The following TMEM132C variants were observed in gnomAD, a reference collection of about 807,000 sequenced individuals.
TMEM132C encodes the protein transmembrane protein 132C, also known as protein phosphatase 1, regulatory subunit 152.
A neutral mutation model predicts 61.4 loss-of-function variants in TMEM132C; 29 were observed. The observed-to-expected ratio is 0.47, with a 90% confidence interval of 0.35 to 0.64. The LOEUF is 0.64. Among genes scored for constraint, TMEM132C ranks in the 30% least tolerant of loss-of-function variants. The pLI is 0.00. For missense variants in TMEM132C, 1,408 were observed against 1,476.9 expected, an observed-to-expected ratio of 0.95 and a Z score of 0.76; for synonymous variants, 656 against 633.1, an observed-to-expected ratio of 1.04 and a Z score of -0.54.
At chr12:128,337,048 C>T (rs1379922700) in intron 1 of TMEM132C, among the ~76,000 whole-genome samples, 1 of 152,194 alleles carries the variant, frequency 6.6e-6, no homozygotes, top group East Asian at 1.9e-4. Context: ...AACCAGTCAG[C>T]TTTGAAGAGA....
intron 2 of TMEM132C, among the ~76,000 whole-genome samples, chr12:128,497,984 C>T (rs925332398): frequency 1.3e-5 from 2 of 152,136 alleles, no homozygotes; most frequent in Non-Finnish European, 2.9e-5. Context: ...CCAGTCTGTA[C>T]CAGTTCTTTA....
At chr12:128,398,896 A>G (rs1357017659) in intron 1 of TMEM132C, among the ~76,000 whole-genome samples, 1 of 152,186 alleles carries the variant, frequency 6.6e-6, no homozygotes, top group African/African-American at 2.4e-5. Context: ...TTCCCCACTG[A>G]CTTTTCAGAA....
intron 1 of TMEM132C, among the ~76,000 whole-genome samples, chr12:128,379,989 G>A (rs189860913): frequency 2.0e-5 from 3 of 152,226 alleles, no homozygotes; most frequent in Non-Finnish European, 4.4e-5. Flanking sequence ...ACTTGTCACA[G>A]TTCTGCCACT....
At chr12:128,360,933 G>A (rs963937959) in intron 1 of TMEM132C, among the ~76,000 whole-genome samples, 3 of 152,178 alleles carry the variant, frequency 2.0e-5, no homozygotes, top group Non-Finnish European at 2.9e-5. Flanking sequence ...GTCTCATAGA[G>A]TGTCTCCATG....
At chr12:128,490,285 G>A (rs991433359) in intron 2 of TMEM132C, among the ~76,000 whole-genome samples, 14 of 152,184 alleles carry the variant, frequency 9.2e-5, no homozygotes, top group African/African-American at 3.1e-4. Context: ...GCTTGTACCT[G>A]GCTTTTGTCG....
At chr12:128,374,354 G>A (rs564221311) in intron 1 of TMEM132C, among the ~76,000 whole-genome samples, 11 of 152,258 alleles carry the variant, frequency 7.2e-5, no homozygotes, top group East Asian at 1.9e-4. Flanking sequence ...TGGGGTTTGC[G>A]CTTTGTTGTC....
intron 4 of TMEM132C, among the ~76,000 whole-genome samples, chr12:128,645,796 G>A (rs1236332264): frequency 6.6e-6 from 1 of 152,148 alleles, no homozygotes; most frequent in Non-Finnish European, 1.5e-5. Context: ...CATCGGCGTG[G>A]GATATGAATG....
chr12:128,543,898 C>G, intron 2 of TMEM132C, 59 bp from the exon 3 acceptor site: 1 of 1,512,992 alleles, frequency 6.6e-7, no homozygotes, highest in Non-Finnish European at 8.8e-7. Flanking sequence ...GAGCTGGGCA[C>G]GTTGGAAAGG....
chr12:128,565,060 T>C (rs764592833), intron 3 of TMEM132C, among the ~76,000 whole-genome samples: 50 of 152,300 alleles, frequency 3.3e-4, no homozygotes, highest in Middle Eastern at 3.4e-3. Flanking sequence ...GCCACTCCCA[T>C]GATTAGGTGG....
chr12:128,621,579 G>A (rs946088560), intron 4 of TMEM132C, among the ~76,000 whole-genome samples: 1 of 152,192 alleles, frequency 6.6e-6, no homozygotes, highest in African/African-American at 2.4e-5. Flanking sequence ...CTTGATTTCG[G>A]ACTTTCAGCC....
chr12:128,328,915 A>G lies in TMEM132C; in HGVS notation c.85+61428A>G, dbSNP rs143901387. Among the ~76,000 whole-genome samples the G allele has an allele frequency of 5.3e-4, 80 of 152,216 alleles. 1 individual carries two copies. The East Asian group carries it at 0.013, about 25-fold the overall frequency. ...TCGGACTCTGGCTTAAGATTTGGAT[A>G]ACTGTTGTGATGCATCCCTGCCTAT... On this transcript the variant is annotated intron_variant, in intron 1 of 8. Transcript: ENST00000435159.
intron 2 of TMEM132C, among the ~76,000 whole-genome samples, chr12:128,520,587 C>T (rs1460262193): frequency 6.6e-6 from 1 of 152,154 alleles, no homozygotes; most frequent in African/African-American, 2.4e-5. Context: ...CAAGATCATT[C>T]TTTGTTGGAG....
rs559324567 is a variant in TMEM132C at position 128,587,170 on chromosome 12, A to T, written c.1122-28982A>T. Among the ~76,000 whole-genome samples the T allele has an allele frequency of 9.2e-5, 14 of 152,338 alleles. No individual in the cohort carries two copies. In the South Asian group the frequency reaches 2.3e-3, roughly 25 times the overall value. ...TGGCCAAATAGGCCTTATTGCCCAA[A>T]GTATTACATAAGATGGTATCTTAGT... On this transcript the variant is annotated intron_variant, in intron 3 of 8. Coordinates refer to ENST00000435159, the MANE Select transcript of TMEM132C (RefSeq NM_001136103.3).
chr12:128,500,882 A>G (rs1872151574), intron 2 of TMEM132C, among the ~76,000 whole-genome samples: 2 of 152,246 alleles, frequency 1.3e-5, no homozygotes, highest in Admixed American at 1.3e-4. Flanking sequence ...AAACTTGTAC[A>G]TGAATATTCA....
chr12:128,290,876 T>G (rs1037947205), intron 1 of TMEM132C, among the ~76,000 whole-genome samples: 1 of 152,036 alleles, frequency 6.6e-6, no homozygotes, highest in African/African-American at 2.4e-5. Flanking sequence ...ATAAGTGATT[T>G]CCCAATTTCA....
chr12:128,388,461 C>A (rs1225103409), intron 1 of TMEM132C, among the ~76,000 whole-genome samples: 1 of 152,262 alleles, frequency 6.6e-6, no homozygotes, highest in African/African-American at 2.4e-5. Context: ...TCTTCCCTCT[C>A]TCCCTGCCTC....
intron 1 of TMEM132C, among the ~76,000 whole-genome samples, chr12:128,279,210 T>G (rs1324721068): frequency 6.6e-6 from 1 of 152,172 alleles, no homozygotes. Flanking sequence ...TCTCCATTCC[T>G]TGAAGATAAT....
chr12:128,554,325 G>T (rs1169591192), intron 3 of TMEM132C, among the ~76,000 whole-genome samples: 1 of 152,176 alleles, frequency 6.6e-6, no homozygotes, highest in African/African-American at 2.4e-5. Context: ...CGGGGAGGGT[G>T]GCCGGCTGCA....
chr12:128,302,669 T>G (rs868239758), intron 1 of TMEM132C, among the ~76,000 whole-genome samples: 3 of 152,200 alleles, frequency 2.0e-5, no homozygotes, highest in Non-Finnish European at 4.4e-5. Context: ...TGGCAAGTAT[T>G]AAGAGACACA....
Sources: gnomAD v4.1 joint callset for allele counts (sites outside exome capture counted in the v4.1 genomes callset) on GRCh38, gnomAD v4.1.1 for gene constraint, MANE v1.5 for transcripts, NCBI Gene and HGNC (gene_info 2026-07-23, HGNC 2026-07-21) for gene names.